DYM: variants seen among roughly 807,000 people sequenced by gnomAD.
DYM encodes the protein dymeclin, also known as dyggve-Melchior-Clausen syndrome protein.
Under a neutral mutation model 93.1 loss-of-function variants are expected in DYM, and 78 were observed. The ratio of observed to expected loss-of-function variants is 0.84; its 90% confidence interval spans 0.70 to 1.01. The LOEUF (loss-of-function observed/expected upper bound fraction) is 1.01. DYM is among the 50% of genes least tolerant of loss of function. The probability of loss-of-function intolerance (pLI) is 0.00; values close to 1 mark genes in which losing one functional copy is unlikely to be tolerated. For missense variants in DYM, 789 were observed against 845.0 expected, an observed-to-expected ratio of 0.93 and a Z score of 0.82; for synonymous variants, 321 against 319.7, an observed-to-expected ratio of 1.00 and a Z score of -0.04.
At chr18:49,298,923 C>A (rs1255036227) in intron 8 of DYM, among the ~76,000 whole-genome samples, 1 of 152,114 alleles carries the variant, frequency 6.6e-6, no homozygotes, top group Admixed American at 6.6e-5. Context: ...AATGTAAAAG[C>A]CTTGTGCCCT....
chr18:49,194,038 A>G (rs1220364432), intron 14 of DYM, among the ~76,000 whole-genome samples: 1 of 152,242 alleles, frequency 6.6e-6, no homozygotes, highest in African/African-American at 2.4e-5. Context: ...GGCTGGCATC[A>G]TGACGTGCCA....
In DYM at chr18:49,037,257, T is replaced by C. The variant is rs1450746922; in HGVS notation, c.*6798A>G. ...TTCCCTTTATTGTATATTTGTGTTC[T>C]ATATCAGTAATTTGGCTTATTTTTG... On this transcript the variant is annotated 3_prime_UTR_variant, in exon 18 of 18. Coordinates refer to ENST00000675505, the MANE Select transcript of DYM (RefSeq NM_001353214.3). Among the ~76,000 whole-genome samples the C allele has an allele frequency of 6.6e-6, 1 of 152,230 alleles. No individual in the cohort carries two copies. The highest frequency in any genetic ancestry group is 6.5e-5 in the Admixed American group (1 of 15,278).
chr18:49,389,075 C>T (rs75194125), intron 3 of DYM, among the ~76,000 whole-genome samples: 6 of 151,838 alleles, frequency 4.0e-5, no homozygotes, highest in Non-Finnish European at 5.9e-5. Context: ...CATGTTGCTG[C>T]GTGTAAACAA....
At chr18:49,393,479 T>C (rs1296017053) in intron 2 of DYM, among the ~76,000 whole-genome samples, 1 of 152,058 alleles carries the variant, frequency 6.6e-6, no homozygotes, top group Non-Finnish European at 1.5e-5. Flanking sequence ...TCTTAAGAAA[T>C]AGGGAATTTT....
chr18:49,274,888 C>T (rs1484617497), intron 10 of DYM, among the ~76,000 whole-genome samples: 1 of 152,018 alleles, frequency 6.6e-6, no homozygotes, highest in Non-Finnish European at 1.5e-5. Flanking sequence ...CAGTTCCTTA[C>T]CAGAAAAGTG....
intron 8 of DYM, among the ~76,000 whole-genome samples, chr18:49,331,062 G>A (rs1357266483): frequency 6.6e-6 from 1 of 152,274 alleles, no homozygotes; most frequent in East Asian, 1.9e-4. Flanking sequence ...CAGCTGGAGT[G>A]TAGAGCACGC....
At chr18:49,285,806 G>A (rs2095109191) in intron 9 of DYM, among the ~76,000 whole-genome samples, 1 of 152,194 alleles carries the variant, frequency 6.6e-6, no homozygotes. Context: ...GGTTCAACAT[G>A]AAGCCATATG....
At chr18:49,308,402 A>G (rs911968491) in intron 8 of DYM, among the ~76,000 whole-genome samples, 3 of 152,144 alleles carry the variant, frequency 2.0e-5, no homozygotes, top group African/African-American at 7.2e-5. Flanking sequence ...AACCTTAAGA[A>G]TGGAGACAAT....
intron 2 of DYM, among the ~76,000 whole-genome samples, chr18:49,409,388 C>T (rs891558471): frequency 2.0e-5 from 3 of 152,004 alleles, no homozygotes; most frequent in African/African-American, 7.3e-5. Context: ...GACTATATTG[C>T]TGCTTAAGCA....
intron 14 of DYM, among the ~76,000 whole-genome samples, chr18:49,167,033 T>TGC (rs1276610080): frequency 1.2e-4 from 17 of 138,806 alleles, no homozygotes; most frequent in East Asian, 2.2e-4. Flanking sequence ...TGTGTGTGTG[T>TGC]GCGCGCCTGT....
rs1357650236 is a variant in DYM at position 49,038,904 on chromosome 18, C to A, written c.*5151G>T. Among the ~76,000 whole-genome samples the A allele has an allele frequency of 2.0e-5, 3 of 152,222 alleles. No individual in the cohort carries two copies. The highest frequency in any genetic ancestry group is 4.4e-5 in the Non-Finnish European group (3 of 68,036). ...TGTCTTAGAACACTTAAAATTCCCA[C>A]ATAAATCCTTTCATTTTCATACATT... On this transcript the variant is annotated 3_prime_UTR_variant, in exon 18 of 18. Transcript: ENST00000675505.
intron 15 of DYM, among the ~76,000 whole-genome samples, chr18:49,130,517 C>A (rs967717436): frequency 1.3e-5 from 2 of 152,030 alleles, no homozygotes; most frequent in Non-Finnish European, 2.9e-5. Context: ...GTCTATTGTG[C>A]ATTATTCTTT....
Position 49,317,588 on chromosome 18 carries a change from TCTCTCTCTC to T in DYM, c.763+14267_763+14275del, listed in dbSNP as rs1324925811. 1.2e-3 allele frequency among the ~76,000 whole-genome samples: 15 copies of T among 12,668 alleles called. No individual in the cohort carries two copies. The East Asian group carries it at 0.027, about 23-fold the overall frequency. The allele number at this position is 12,668 out of a possible 152,430, so 8.3% of individuals were successfully genotyped here. On this transcript the variant is annotated intron_variant, in intron 8 of 17. Transcript: ENST00000675505. ...CTCTCTCTCTCTCTCTCTCTCTCTC[TCTCTCTCTC>T]CCCCCTCCCCCCTCCCTCCCTCCCT...
chr18:49,237,900 ACT>A (rs535614533), intron 13 of DYM, among the ~76,000 whole-genome samples: 10 of 143,944 alleles, frequency 6.9e-5, no homozygotes, highest in Admixed American at 3.5e-4. Flanking sequence ...TCAGTACCTT[ACT>A]CTTTTTTTTT....
chr18:49,270,992 CAGAGAA>C (rs1425625294), intron 11 of DYM, among the ~76,000 whole-genome samples: 26 of 152,194 alleles, frequency 1.7e-4, no homozygotes, highest in African/African-American at 5.3e-4. Flanking sequence ...GACACAGTCC[CAGAGAA>C]AGAGACTATG....
intron 17 of DYM, among the ~76,000 whole-genome samples, chr18:49,056,769 G>A (rs976248171): frequency 7.3e-5 from 11 of 151,404 alleles, no homozygotes; most frequent in Non-Finnish European, 1.3e-4. Flanking sequence ...GGATGGTCTC[G>A]ATCTCCTGAC....
intron 14 of DYM, chr18:49,206,003 G>T (rs72925820): frequency 2.6e-4 from 37 of 142,778 alleles, no homozygotes; most frequent in East Asian, 6.5e-4. Context: ...TTTTTTTTTT[G>T]TTTTTTTGTT....
chr18:49,105,773 C>G (rs1294902234), intron 16 of DYM, among the ~76,000 whole-genome samples: 1 of 152,154 alleles, frequency 6.6e-6, no homozygotes, highest in Non-Finnish European at 1.5e-5. Flanking sequence ...GTCTGAGAGA[C>G]AGTTTGTTAT....
intron 11 of DYM, among the ~76,000 whole-genome samples, 177 bp downstream of exon 11, chr18:49,272,001 T>C (rs2094712724): frequency 1.9e-5 from 1 of 52,044 alleles, no homozygotes; most frequent in South Asian, 9.2e-4. Flanking sequence ...TTAATAGTCA[T>C]TCTGGAAAAA....
Sources: allele counts gnomAD v4.1 joint callset (sites outside exome capture counted in the v4.1 genomes callset), GRCh38; gene constraint gnomAD v4.1.1; transcripts MANE v1.5; gene names NCBI Gene and HGNC (gene_info 2026-07-23, HGNC 2026-07-21).